The following TMEM154 variants were observed in gnomAD, a reference collection of about 807,000 sequenced individuals.
The protein encoded by TMEM154 is transmembrane protein 154.
A neutral mutation model predicts 24.5 loss-of-function variants in TMEM154; 27 were observed. The observed-to-expected ratio is 1.10, with a 90% CI of 0.81 to 1.52. The LOEUF is 1.52. Ranked by LOEUF, TMEM154 falls within the 40% of genes most tolerant of loss-of-function variation. TMEM154 has a pLI of 0.00. For synonymous variants in TMEM154, 67 were observed against 76.8 expected (o/e 0.87, Z 0.67); for missense variants, 228 against 213.4 (o/e 1.07, Z -0.43).
At chr4:152,669,696 C>T (rs1392788604) in intron 1 of TMEM154, 1 of 152,146 alleles carries the variant, frequency 6.6e-6, no homozygotes, top group African/African-American at 2.4e-5. Context: ...GGAATAATTA[C>T]AATATGTCAG....
At chr4:152,638,280 A>G (rs191905123) in intron 6 of TMEM154, among the ~76,000 whole-genome samples, 28 of 152,310 alleles carry the variant, frequency 1.8e-4, no homozygotes, top group African/African-American at 6.7e-4. Context: ...CAAAACAACA[A>G]AACACCAAAA....
At chr4:152,657,101 G>C (rs1728507088) in intron 1 of TMEM154, among the ~76,000 whole-genome samples, 1 of 149,270 alleles carries the variant, frequency 6.7e-6, no homozygotes, top group South Asian at 2.1e-4. Context: ...TTGAAGACAG[G>C]TCTTTTGAAA....
chr4:152,634,775 G>C (rs532708261), intron 6 of TMEM154, among the ~76,000 whole-genome samples: 1 of 152,118 alleles, frequency 6.6e-6, no homozygotes, highest in Non-Finnish European at 1.5e-5. Flanking sequence ...TCAGATTTGA[G>C]AGAATCTGAC....
At chr4:152,636,150 G>A (rs1406346188) in intron 6 of TMEM154, among the ~76,000 whole-genome samples, 1 of 152,238 alleles carries the variant, frequency 6.6e-6, no homozygotes, top group African/African-American at 2.4e-5. Context: ...GGTGTTGTGA[G>A]TGTGGGGTTA....
chr4:152,641,903 CTTT>C (rs780465309), intron 5 of TMEM154, among the ~76,000 whole-genome samples: 77 of 41,394 alleles, frequency 1.9e-3, no homozygotes, highest in African/African-American at 8.0e-3. Context: ...AGCAATAATT[CTTT>C]TTTTTTTTTT....
intron 1 of TMEM154, among the ~76,000 whole-genome samples, chr4:152,661,083 T>C (rs1049953287): frequency 6.6e-6 from 1 of 152,050 alleles, no homozygotes; most frequent in Admixed American, 6.6e-5. Context: ...TCCTGGCCTG[T>C]GTACATTTAC....
At chr4:152,664,459 G>A (rs983158292) in intron 1 of TMEM154, among the ~76,000 whole-genome samples, 1 of 152,168 alleles carries the variant, frequency 6.6e-6, no homozygotes, top group Non-Finnish European at 1.5e-5. Context: ...GGGTTGATAG[G>A]TGTAGCAAAC....
chr4:152,672,538 G>C (rs1273595289), intron 1 of TMEM154, among the ~76,000 whole-genome samples: 1 of 152,226 alleles, frequency 6.6e-6, no homozygotes, highest in East Asian at 1.9e-4. Flanking sequence ...ACTGGTGATG[G>C]AGACAGAGCG....
At chr4:152,634,927 T>C (rs1337026981) in intron 6 of TMEM154, among the ~76,000 whole-genome samples, 1 of 152,220 alleles carries the variant, frequency 6.6e-6, no homozygotes, top group Non-Finnish European at 1.5e-5. Context: ...AACATTATAA[T>C]TTGAAAATAT....
Position 152,628,412 on chromosome 4 carries a change from GAAACAGC to G in TMEM154, c.*127_*133del, listed in dbSNP as rs1751955155. 1 of 1,445,248 alleles carries G rather than the reference GAAACAGC, an allele frequency of 6.9e-7. No homozygotes were observed. 89.5% of individuals were successfully genotyped at this position (1,445,248 alleles called of 1,614,324 possible). On this transcript the variant is annotated 3_prime_UTR_variant, in exon 7 of 7. Transcript: ENST00000304385. ...TCATTAGGAAGAGTGGGCGTTGGAA[GAAACAGC>G]AAAAGGTTCTTGTGTCTATGTTGAT...
At position 152,628,589 on chromosome 4, in the gene TMEM154, A is replaced by AC. The variant is rs1561042629; in HGVS notation, c.537-29_537-28insG. ...GTAAAAAAAAAAAAAAAAAAAAAAAAAAACAAAAAAAACACACACACACAC... is the reference window on the plus strand; with the variant it reads ...GTAAAAAAAAAAAAAAAAAAAAAAAACAAACAAAAAAAACACACACACACAC... On this transcript the variant is annotated intron_variant, in intron 6 of 6. Transcript: ENST00000304385. 9.9e-6 allele frequency: 9 copies of AC among 912,310 alleles called. No individual in the cohort carries two copies. In the Admixed American group the frequency reaches 1.9e-4, roughly 19 times the overall value. 56.5% of individuals were successfully genotyped at this position (912,310 alleles called of 1,614,324 possible). A position where few individuals can be genotyped will look rare whatever the true frequency, so the allele number is the denominator to read the frequency against.
At chr4:152,643,030 T>C in intron 5 of TMEM154, 58 bp downstream of exon 5, 2 of 1,261,418 alleles carry the variant, frequency 1.6e-6, no homozygotes, top group Non-Finnish European at 2.3e-6. Flanking sequence ...TATAAAGCTG[T>C]TGCAGCCTTC....
At chr4:152,662,278 C>A (rs1457317980) in intron 1 of TMEM154, among the ~76,000 whole-genome samples, 1 of 151,922 alleles carries the variant, frequency 6.6e-6, no homozygotes, top group Non-Finnish European at 1.5e-5. Context: ...TCTAAGACAA[C>A]CCTAGTACTC....
intron 3 of TMEM154, chr4:152,647,405 G>T (rs1728274136): frequency 1.1e-6 from 1 of 885,130 alleles, no homozygotes; most frequent in Non-Finnish European, 1.4e-6. Context: ...CTGAAAAGTT[G>T]TCCATCTGTT....
chr4:152,671,035 T>C (rs1401464137), intron 1 of TMEM154, among the ~76,000 whole-genome samples: 2 of 152,156 alleles, frequency 1.3e-5, no homozygotes, highest in African/African-American at 4.8e-5. Context: ...AAGACATTCA[T>C]TGCATTCGGG....
intron 1 of TMEM154, among the ~76,000 whole-genome samples, chr4:152,659,417 A>G (rs1728552342): frequency 6.6e-6 from 1 of 152,206 alleles, no homozygotes; most frequent in Admixed American, 6.5e-5. Context: ...GTAGAAACAT[A>G]CAGTTAGACA....
chr4:152,640,883 G>GCCCC, intron 6 of TMEM154, 45 bp downstream of exon 6: 1 of 609,636 alleles, frequency 1.6e-6, no homozygotes, highest in Non-Finnish European at 3.0e-6. Flanking sequence ...CAATCCCCCC[G>GCCCC]CCCCCCGCCA....
intron 1 of TMEM154, among the ~76,000 whole-genome samples, chr4:152,658,019 A>G (rs1197741752): frequency 1.3e-5 from 2 of 152,242 alleles, no homozygotes; most frequent in Non-Finnish European, 2.9e-5. Flanking sequence ...ATTTATCATC[A>G]TGAAAACAAT....
intron 6 of TMEM154, among the ~76,000 whole-genome samples, chr4:152,639,308 T>C (rs1194956464): frequency 6.6e-6 from 1 of 152,204 alleles, no homozygotes; most frequent in East Asian, 1.9e-4. Context: ...GTTAAGCTTC[T>C]TCCATGTTGC....
Sources: allele counts gnomAD v4.1 joint callset (sites outside exome capture counted in the v4.1 genomes callset), GRCh38; gene constraint gnomAD v4.1.1; transcripts MANE v1.5; gene names NCBI Gene and HGNC (gene_info 2026-07-23, HGNC 2026-07-21).